Variants in CALD1 observed in about 807,000 individuals in gnomAD.
CALD1 encodes caldesmon 1, also known as caldesmon.
Under a neutral mutation model 99.9 loss-of-function variants are expected in CALD1, and 33 were observed. The observed-to-expected ratio is 0.33, with a 90% CI of 0.25 to 0.44. The LOEUF (loss-of-function observed/expected upper bound fraction) is 0.44. CALD1 is among the 20% of genes least tolerant of loss of function. The pLI is 1.00. For synonymous variants in CALD1, 310 were observed against 325.0 expected (o/e 0.95, Z 0.50); for missense variants, 861 against 962.1 (o/e 0.89, Z 1.39).
intron 1 of CALD1, among the ~76,000 whole-genome samples, chr7:134,813,494 A>T (rs1047149719): frequency 2.0e-5 from 3 of 152,224 alleles, no homozygotes; most frequent in African/African-American, 4.8e-5. Flanking sequence ...TTGACCTTCA[A>T]TAGGAGCATG....
intron 1 of CALD1, among the ~76,000 whole-genome samples, chr7:134,753,501 T>C (rs527952857): frequency 6.6e-6 from 1 of 152,128 alleles, no homozygotes; most frequent in Non-Finnish European, 1.5e-5. Flanking sequence ...AATACTGACA[T>C]CCGGCTCCAC....
chr7:134,732,121 C>G, the CALD1 span, among the ~76,000 whole-genome samples: 8 of 152,254 alleles, frequency 5.3e-5, no homozygotes, highest in Non-Finnish European at 8.8e-5. Flanking sequence ...CATGGTTTGA[C>G]TTTCTCCTAC....
chr7:134,932,575 C>T (rs1438542592), intron 4 of CALD1, among the ~76,000 whole-genome samples: 2 of 152,118 alleles, frequency 1.3e-5, no homozygotes, highest in Non-Finnish European at 2.9e-5. Flanking sequence ...ACCAAATAAA[C>T]GTTGCATGAC....
At position 134,933,378 on chromosome 7, in the gene CALD1, T is replaced by C. The variant is rs1297029880; in HGVS notation, c.609T>C (p.Ile203=). The C allele has an allele frequency of 3.7e-6, 6 of 1,609,918 alleles. No homozygotes were observed. The highest frequency in any genetic ancestry group is 5.1e-6 in the Non-Finnish European group (6 of 1,178,002). The change falls in exon 5 of 15, where the codon ATT becomes ATC. Residue 203 remains isoleucine, a synonymous_variant. Coordinates refer to ENST00000361675, the MANE Select transcript of CALD1 (RefSeq NM_033138.4). ...EEEEKPKRGS[I]GENQVEVMVE... ...AGGAGAAGCCAAAGCGAGGGAGCAT[T>C]GGAGAAAATCAGGTAGAGGTGATGG... is the stretch of plus-strand genomic sequence containing the variant.
chr7:134,905,931 T>TC (rs1484427170), intron 3 of CALD1, among the ~76,000 whole-genome samples: 1 of 147,576 alleles, frequency 6.8e-6, no homozygotes, highest in Non-Finnish European at 1.5e-5. Context: ...TCTTTTTTTT[T>TC]TTTTTTTTTT....
At chr7:134,773,607 T>C (rs1389358120) in intron 1 of CALD1, among the ~76,000 whole-genome samples, 1 of 152,180 alleles carries the variant, frequency 6.6e-6, no homozygotes, top group Non-Finnish European at 1.5e-5. Context: ...GTTGAATTTT[T>C]GTAAATTTCT....
chr7:134,923,118 A>G (rs1804737823), intron 3 of CALD1, among the ~76,000 whole-genome samples: 1 of 152,188 alleles, frequency 6.6e-6, no homozygotes, highest in African/African-American at 2.4e-5. Context: ...TCTTTCTCCA[A>G]AATATCCAAT....
the CALD1 span, among the ~76,000 whole-genome samples, chr7:134,726,472 GAT>G: frequency 8.4e-6 from 1 of 119,466 alleles, no homozygotes; most frequent in Non-Finnish European, 1.9e-5. Context: ...TATAGCTTTA[GAT>G]ATATAATATA....
At chr7:134,870,561 A>G (rs187100365) in intron 3 of CALD1, among the ~76,000 whole-genome samples, 126 of 152,318 alleles carry the variant, frequency 8.3e-4, no homozygotes, top group African/African-American at 2.7e-3. Flanking sequence ...AGTCTTAGTT[A>G]TGTACCCTGA....
intron 3 of CALD1, among the ~76,000 whole-genome samples, chr7:134,924,064 T>G (rs902816501): frequency 6.6e-6 from 1 of 152,242 alleles, no homozygotes; most frequent in Non-Finnish European, 1.5e-5. Flanking sequence ...GTGGTAATAC[T>G]GTGTTGCTAT....
chr7:134,934,276 A>G (rs1397683076), intron 5 of CALD1, among the ~76,000 whole-genome samples, 199 bp downstream of exon 5: 2 of 152,216 alleles, frequency 1.3e-5, no homozygotes, highest in African/African-American at 4.8e-5. Flanking sequence ...AACCAAATTT[A>G]CTGGGACAGC....
chr7:134,830,232 G>GAGGCTCTACTATGATGTGTGTTATCTC (rs1460612437), intron 1 of CALD1, among the ~76,000 whole-genome samples: 1 of 152,168 alleles, frequency 6.6e-6, no homozygotes, highest in African/African-American at 2.4e-5. Flanking sequence ...CAAACCACCA[G>GAGGCTCTACTATGATGTGTGTTATCTC]AGGCTCTACT....
intron 3 of CALD1, among the ~76,000 whole-genome samples, chr7:134,916,169 T>C (rs1034174270): frequency 4.6e-5 from 7 of 152,150 alleles, no homozygotes; most frequent in African/African-American, 1.7e-4. Flanking sequence ...GCCAACTGGA[T>C]GTTAGATAGG....
intron 1 of CALD1, among the ~76,000 whole-genome samples, chr7:134,768,633 T>A (rs1417544494): frequency 6.6e-6 from 1 of 152,086 alleles, no homozygotes; most frequent in African/African-American, 2.4e-5. Flanking sequence ...GAGGACCAGA[T>A]TGCTAGTTCT....
At chr7:134,742,681 C>T (rs771167177), upstream of CALD1, among the ~76,000 whole-genome samples, 18 of 152,344 alleles carry the variant, frequency 1.2e-4, no homozygotes, top group Non-Finnish European at 1.3e-4. Flanking sequence ...GGAGAAACAG[C>T]GGTTCCTCTG....
intron 2 of CALD1, among the ~76,000 whole-genome samples, chr7:134,862,697 A>G (rs555437425): frequency 1.2e-4 from 19 of 152,346 alleles, no homozygotes; most frequent in Admixed American, 3.9e-4. Context: ...TGCAACAAAG[A>G]GTGAACCTTA....
chr7:134,860,949 T>C (rs561032726), intron 2 of CALD1, among the ~76,000 whole-genome samples: 1 of 152,162 alleles, frequency 6.6e-6, no homozygotes, highest in Non-Finnish European at 1.5e-5. Context: ...AAGACATATT[T>C]GAGAGGTGAT....
intron 3 of CALD1, 116 bp from the exon 4 acceptor site, chr7:134,928,638 A>T (rs1805245790): frequency 1.1e-6 from 1 of 875,916 alleles, no homozygotes; most frequent in African/African-American, 1.7e-5. Flanking sequence ...TTTTAGACGT[A>T]TGTGGTTCAT....
At chr7:134,951,162 C>T (rs1280860238) in intron 9 of CALD1, among the ~76,000 whole-genome samples, 1 of 152,200 alleles carries the variant, frequency 6.6e-6, no homozygotes, top group African/African-American at 2.4e-5. Flanking sequence ...TCACCCTCAT[C>T]ACCTAGTTAC....
Sources: allele counts gnomAD v4.1 joint callset (sites outside exome capture counted in the v4.1 genomes callset), GRCh38; gene constraint gnomAD v4.1.1; transcripts MANE v1.5; gene names NCBI Gene and HGNC (gene_info 2026-07-23, HGNC 2026-07-21).